TOX2: variants seen among roughly 807,000 people sequenced by gnomAD.
The protein encoded by TOX2 is TOX high mobility group box family member 2, also known as granulosa cell HMG box 1.
TOX2 carries 15 observed loss-of-function variants against 47.4 expected under a neutral mutation model. That is an observed-to-expected ratio of 0.32 (90% CI 0.21 to 0.49). The LOEUF (loss-of-function observed/expected upper bound fraction) is 0.49. Ranked by LOEUF, TOX2 falls within the 20% of genes least tolerant of loss-of-function variation. The probability of loss-of-function intolerance (pLI) is 0.99; values close to 1 mark genes in which losing one functional copy is unlikely to be tolerated. For synonymous variants in TOX2, 290 were observed against 296.6 expected, an observed-to-expected ratio of 0.98 and a Z score of 0.23; for missense variants, 622 against 673.1, an observed-to-expected ratio of 0.92 and a Z score of 0.84.
At chr20:43,994,152 A>C (rs528989093) in intron 2 of TOX2, among the ~76,000 whole-genome samples, 4 of 152,086 alleles carry the variant, frequency 2.6e-5, no homozygotes, top group Admixed American at 2.6e-4. Context: ...CCCTGTCTCG[A>C]AAAAGAAAAT....
intron 5 of TOX2, among the ~76,000 whole-genome samples, chr20:44,064,497 T>A (rs1461987531): frequency 6.6e-6 from 1 of 152,254 alleles, no homozygotes; most frequent in African/African-American, 2.4e-5. Flanking sequence ...ATTGTCTTTC[T>A]GTGATCAGTT....
chr20:44,060,679 C>CAAGAT (rs1415632946), intron 5 of TOX2, among the ~76,000 whole-genome samples: 1 of 152,030 alleles, frequency 6.6e-6, no homozygotes, highest in East Asian at 1.9e-4. Context: ...ACAATGAAAT[C>CAAGAT]AAGATGGATA....
intron 1 of TOX2, among the ~76,000 whole-genome samples, chr20:43,969,046 T>G (rs555798441): frequency 6.6e-6 from 1 of 152,354 alleles, no homozygotes; most frequent in East Asian, 1.9e-4. Flanking sequence ...TTTAAATGGC[T>G]GCAGATGCAT....
At chr20:43,957,495 C>T (rs2069687537) in intron 1 of TOX2, among the ~76,000 whole-genome samples, 1 of 151,866 alleles carries the variant, frequency 6.6e-6, no homozygotes, top group Admixed American at 6.5e-5. Context: ...CCTCCTAGGA[C>T]CGTTGTCAAG....
chr20:43,998,162 T>C (rs2070510742), intron 2 of TOX2, among the ~76,000 whole-genome samples: 1 of 152,164 alleles, frequency 6.6e-6, no homozygotes, highest in South Asian at 2.1e-4. Flanking sequence ...CTACACACTT[T>C]CAAACAACCC....
intron 1 of TOX2, among the ~76,000 whole-genome samples, chr20:43,947,538 T>G (rs1464706867): frequency 6.6e-6 from 1 of 152,214 alleles, no homozygotes; most frequent in East Asian, 1.9e-4. Context: ...TCTCTTCTTG[T>G]GCTTAAGAGT....
chr20:43,980,852 A>C (rs1222027360), intron 2 of TOX2, among the ~76,000 whole-genome samples: 2 of 152,200 alleles, frequency 1.3e-5, no homozygotes, highest in Admixed American at 6.5e-5. Flanking sequence ...ATAAATATAA[A>C]AATTAACATA....
chr20:43,991,488 G>A (rs1208592660), intron 2 of TOX2, among the ~76,000 whole-genome samples: 3 of 152,140 alleles, frequency 2.0e-5, no homozygotes, highest in South Asian at 2.1e-4. Flanking sequence ...ACTCGTTCAT[G>A]CATCCTTTTA....
Position 43,915,949 on chromosome 20 carries a change from G to T in TOX2, c.99+959G>T, listed in dbSNP as rs566583676. Among the ~76,000 whole-genome samples the T allele has an allele frequency of 1.3e-5, 2 of 152,372 alleles. No homozygotes were observed. The highest frequency in any genetic ancestry group is 6.5e-5 in the Admixed American group (1 of 15,308). On this transcript the variant is annotated intron_variant, in intron 1 of 8. Transcript: ENST00000341197. This position sits in a 1 kb window ranked among gnomAD's most constrained non-coding sequence, Gnocchi z 7.1. ...GTGCCTGGAACCCCGAACCCGAGGCGTCAGGTCCCACTGCCGGGTCTGGCC... is the reference window on the plus strand; with the variant it reads ...GTGCCTGGAACCCCGAACCCGAGGCTTCAGGTCCCACTGCCGGGTCTGGCC...
intron 1 of TOX2, among the ~76,000 whole-genome samples, chr20:43,934,991 T>G (rs1349422738): frequency 6.6e-6 from 1 of 152,186 alleles, no homozygotes; most frequent in African/African-American, 2.4e-5. Context: ...GGAATCATGC[T>G]CTGTCCAGGA....
rs148591735 is a variant in TOX2, at chr20:43,959,084, G to C, written c.100-14283G>C. ...AAGGGTTCAATAGTCAAGAACAGAG[G>C]GGTGGCTCTCTGCCTGGGAAGGCAA... On this transcript the variant is annotated intron_variant, in intron 1 of 8. Coordinates refer to ENST00000341197, the MANE Select transcript of TOX2 (RefSeq NM_001098797.2). 1.4e-3 allele frequency among the ~76,000 whole-genome samples: 206 copies of C among 152,302 alleles called. 1 individual carries two copies. The highest frequency in any genetic ancestry group is 4.7e-3 in the African/African-American group (196 of 41,560).
Position 44,068,970 on chromosome 20 carries a change from C to A in TOX2, c.*284C>A. 1 of 573,150 alleles carries A rather than the reference C, an allele frequency of 1.7e-6. No individual in the cohort carries two copies. 35.5% of individuals were successfully genotyped at this position (573,150 alleles called of 1,614,324 possible). A position where few individuals can be genotyped will look rare whatever the true frequency, so the allele number is the denominator to read the frequency against. On this transcript the variant is annotated 3_prime_UTR_variant, in exon 9 of 9. Coordinates refer to ENST00000341197, the MANE Select transcript of TOX2 (RefSeq NM_001098797.2). ...CCTGTCCTCGCCCTGCGCACGGTAC[C>A]CTATGTCTGGACACCCGGCCCCAGC... is the stretch of plus-strand genomic sequence containing the variant.
intron 2 of TOX2, among the ~76,000 whole-genome samples, chr20:43,987,312 A>G (rs969966318): frequency 6.6e-6 from 1 of 152,214 alleles, no homozygotes; most frequent in Non-Finnish European, 1.5e-5. Context: ...CAGCACATGA[A>G]CAGGCAAAAC....
intron 1 of TOX2, among the ~76,000 whole-genome samples, chr20:43,943,833 G>C (rs900571490): frequency 2.7e-5 from 4 of 147,926 alleles, no homozygotes; most frequent in African/African-American, 1.0e-4. Context: ...TTTCAAGGCC[G>C]CATAGTATTC....
chr20:44,055,754 C>T (rs1432519127), intron 5 of TOX2, among the ~76,000 whole-genome samples: 10 of 152,032 alleles, frequency 6.6e-5, no homozygotes. Flanking sequence ...GTAGGGGACA[C>T]AGAGCATGTC....
At chr20:43,945,453 T>C (rs908782485) in intron 1 of TOX2, among the ~76,000 whole-genome samples, 4 of 152,240 alleles carry the variant, frequency 2.6e-5, no homozygotes, top group Non-Finnish European at 5.9e-5. Flanking sequence ...TGGGCATGCA[T>C]CCATGCACTG....
intron 1 of TOX2, among the ~76,000 whole-genome samples, chr20:43,965,351 G>C (rs1365983780): frequency 1.3e-5 from 2 of 152,180 alleles, no homozygotes; most frequent in Non-Finnish European, 2.9e-5. Context: ...CTTTTCCTTT[G>C]TAGATTTGGA....
At chr20:44,040,896 G>C (rs1181846587) in intron 3 of TOX2, among the ~76,000 whole-genome samples, 1 of 152,192 alleles carries the variant, frequency 6.6e-6, no homozygotes. Flanking sequence ...GGAGCTAAGA[G>C]AGATTTTAAA....
chr20:43,997,540 TG>T (rs2070501136), intron 2 of TOX2, among the ~76,000 whole-genome samples: 3 of 152,214 alleles, frequency 2.0e-5, no homozygotes, highest in Admixed American at 2.0e-4. Flanking sequence ...CATTCCCTTT[TG>T]GGTATCTTTT....
Sources: allele counts gnomAD v4.1 joint callset (sites outside exome capture counted in the v4.1 genomes callset), GRCh38; gene constraint gnomAD v4.1.1; non-coding constraint Gnocchi (gnomAD v3.1); transcripts MANE v1.5; gene names NCBI Gene and HGNC (gene_info 2026-07-23, HGNC 2026-07-21).